The following FAM114A1 variants were observed in gnomAD, a reference collection of about 807,000 sequenced individuals.
FAM114A1 encodes the protein protein NOXP20.
Under a neutral mutation model 64.3 loss-of-function variants are expected in FAM114A1, and 62 were observed. The observed-to-expected ratio is 0.96, with a 90% CI of 0.79 to 1.19. The LOEUF is 1.19. Among genes scored for constraint, FAM114A1 ranks in the 50% most tolerant of loss-of-function variants. The probability of loss-of-function intolerance (pLI) is 0.00; values close to 1 mark genes in which losing one functional copy is unlikely to be tolerated. For synonymous variants in FAM114A1, 254 were observed against 251.1 expected, an observed-to-expected ratio of 1.01 and a Z score of -0.11; for missense variants, 645 against 676.3, an observed-to-expected ratio of 0.95 and a Z score of 0.51.
At chr4:38,917,218 A>T (rs138952629) in intron 8 of FAM114A1, among the ~76,000 whole-genome samples, 17,864 of 151,678 alleles carry the variant, frequency 0.12, 1,344 homozygotes, top group Non-Finnish European at 0.18. Flanking sequence ...GGTGCCTGTA[A>T]TACCAGCTAC....
At chr4:38,871,698 G>A (rs529476414) in intron 2 of FAM114A1, among the ~76,000 whole-genome samples, 8 of 152,188 alleles carry the variant, frequency 5.3e-5, no homozygotes, top group African/African-American at 1.9e-4. Context: ...GATAGGTAAG[G>A]GCTCTAGGTT....
At chr4:38,873,136 A>T (rs987384275) in intron 2 of FAM114A1, among the ~76,000 whole-genome samples, 1 of 152,178 alleles carries the variant, frequency 6.6e-6, no homozygotes, top group Non-Finnish European at 1.5e-5. Context: ...GCTCCTTGAC[A>T]GCCCACGGCC....
intron 4 of FAM114A1, among the ~76,000 whole-genome samples, chr4:38,900,661 G>A (rs750425711): frequency 2.4e-4 from 37 of 152,284 alleles, no homozygotes; most frequent in Admixed American, 4.6e-4. Context: ...GACAAATACC[G>A]TGTGATTCCA....
intron 8 of FAM114A1, among the ~76,000 whole-genome samples, chr4:38,917,140 CTAA>C (rs1427360211): frequency 8.6e-6 from 1 of 116,012 alleles, no homozygotes; most frequent in African/African-American, 4.0e-5. Flanking sequence ...CCCATCTCTA[CTAA>C]AAATACAAAT....
intron 3 of FAM114A1, among the ~76,000 whole-genome samples, chr4:38,884,458 G>A (rs928263362): frequency 1.3e-5 from 2 of 152,218 alleles, no homozygotes; most frequent in Non-Finnish European, 2.9e-5. Flanking sequence ...AATAACAACA[G>A]AGGCCAAGCC....
rs747527647 is a variant in FAM114A1, at chr4:38,905,824, G to T, written c.620G>T (p.Gly207Val). ...PPTSPSSASR[G>V]MLSAITNVVQ... is the part of the protein sequence containing the mutation. ...ACTTCCCCTTCATCAGCCTCTCGGGGTATGCTGTCTGCCATCACCAATGTG... is the reference window on the plus strand; with the variant it reads ...ACTTCCCCTTCATCAGCCTCTCGGGTTATGCTGTCTGCCATCACCAATGTG... Residue 207 changes from glycine to valine, a missense_variant, in exon 6 of 15, where the codon GGT becomes GTT. Physicochemically the swap from Gly to Val is moderately radical, Grantham distance 109. Coordinates refer to ENST00000358869, the MANE Select transcript of FAM114A1 (RefSeq NM_138389.4). The T allele has an allele frequency of 1.2e-6, 2 of 1,614,050 alleles. No individual in the cohort carries two copies. The highest frequency in any genetic ancestry group is 2.2e-5 in the East Asian group (1 of 44,886).
At chr4:38,888,495 T>C (rs916252112) in intron 3 of FAM114A1, among the ~76,000 whole-genome samples, 2 of 152,158 alleles carry the variant, frequency 1.3e-5, no homozygotes, top group East Asian at 3.8e-4. Context: ...ACACTCCAGC[T>C]TGGGCAACAG....
chr4:38,895,411 G>C (rs1256428509), intron 4 of FAM114A1, among the ~76,000 whole-genome samples: 1 of 152,068 alleles, frequency 6.6e-6, no homozygotes, highest in Non-Finnish European at 1.5e-5. Flanking sequence ...TTTTAAAGAC[G>C]CTCCTGATTA....
chr4:38,890,719 C>T (rs949924217), intron 3 of FAM114A1, among the ~76,000 whole-genome samples: 1 of 152,168 alleles, frequency 6.6e-6, no homozygotes, highest in East Asian at 1.9e-4. Flanking sequence ...AACAGAAACA[C>T]GCATACCTGA....
At chr4:38,934,206 A>G (rs779569219) in intron 12 of FAM114A1, among the ~76,000 whole-genome samples, 6 of 152,204 alleles carry the variant, frequency 3.9e-5, no homozygotes, top group Non-Finnish European at 5.9e-5. Flanking sequence ...GCCCCTAGGT[A>G]TGGATAGTGA....
chr4:38,931,718 G>A lies in FAM114A1; in HGVS notation c.1323+106G>A, dbSNP rs532940069. On this transcript the variant is annotated intron_variant, in intron 11 of 14. Transcript: ENST00000358869. Reference sequence around the variant, plus strand: ...AGGCCATTTCTTTTTCATTTGTTCCGTGTTATAGAAATATAAGTTTGAGAC... The same window carrying A: ...AGGCCATTTCTTTTTCATTTGTTCCATGTTATAGAAATATAAGTTTGAGAC... 6.3e-5 allele frequency: 77 copies of A among 1,226,034 alleles called. 1 individual carries two copies. Among genetic ancestry groups the A allele is most frequent in the South Asian group, 3.3e-4 (19 of 57,142 alleles). 75.9% of individuals were successfully genotyped at this position (1,226,034 alleles called of 1,614,324 possible). A position where few individuals can be genotyped will look rare whatever the true frequency, so the allele number is the denominator to read the frequency against.
chr4:38,934,913 TCTTA>T (rs1419694429), intron 12 of FAM114A1, among the ~76,000 whole-genome samples: 2 of 151,406 alleles, frequency 1.3e-5, no homozygotes, highest in Admixed American at 6.6e-5. Context: ...TACCTAACTT[TCTTA>T]CTTTTTTTTT....
rs753005591 is a variant in FAM114A1 at position 38,891,878 on chromosome 4, T to C, written c.436+48T>C. 3.2e-6 allele frequency: 5 copies of C among 1,543,388 alleles called. No homozygotes were observed. The Admixed American group carries it at 9.7e-5, about 30-fold the overall frequency. On this transcript the variant is annotated intron_variant, in intron 4 of 14. Transcript: ENST00000358869. ...GAATAGACAAAGTACCAAAGCCTAA[T>C]AGGATAGGACGTTTTGATCGTACTG...
intron 8 of FAM114A1, among the ~76,000 whole-genome samples, chr4:38,920,970 A>G (rs946453094): frequency 1.3e-5 from 2 of 152,330 alleles, no homozygotes; most frequent in South Asian, 2.1e-4. Context: ...TGCCCTGGCA[A>G]TGAGCTTTAG....
At position 38,927,480 on chromosome 4, in the gene FAM114A1, C is replaced by T. The variant is rs184731192; in HGVS notation, c.1070-1762C>T. Reference sequence around the variant, plus strand: ...CCGGTTCATGGGGGGCTCCCCACTTCATGATCTAATCACACCCCCAAAGCC... The same window carrying T: ...CCGGTTCATGGGGGGCTCCCCACTTTATGATCTAATCACACCCCCAAAGCC... On this transcript the variant is annotated intron_variant, in intron 9 of 14. Transcript: ENST00000358869. 1.6e-3 allele frequency among the ~76,000 whole-genome samples: 251 copies of T among 152,200 alleles called. 3 individuals carry two copies. The East Asian group carries it at 0.022, about 14-fold the overall frequency.
chr4:38,899,530 A>G (rs559255757), intron 4 of FAM114A1, among the ~76,000 whole-genome samples: 1 of 152,346 alleles, frequency 6.6e-6, no homozygotes, highest in Non-Finnish European at 1.5e-5. Context: ...ACACAGCACT[A>G]TCTGTGTGTG....
chr4:38,929,065 C>A, intron 9 of FAM114A1, 177 bp from the exon 10 acceptor site: 1 of 587,336 alleles, frequency 1.7e-6, no homozygotes, highest in Non-Finnish European at 3.1e-6. Context: ...GATGCATCTG[C>A]TGCCTCACTG....
intron 8 of FAM114A1, among the ~76,000 whole-genome samples, chr4:38,922,210 G>A (rs79278956): frequency 0.028 from 4,282 of 152,320 alleles, 127 homozygotes; most frequent in South Asian, 0.13. Context: ...AAAGTGCTGG[G>A]ATTACAGGCG....
rs564425230 is a variant in FAM114A1 at position 38,881,757 on chromosome 4, C to A, written c.348+3331C>A. Reference sequence around the variant, plus strand: ...GTCTTTGATTATTGTTCATTTTTTTCTATTTTATTTGCCTCTTGTTGCATA... The same window carrying A: ...GTCTTTGATTATTGTTCATTTTTTTATATTTTATTTGCCTCTTGTTGCATA... On this transcript the variant is annotated intron_variant, in intron 3 of 14. Coordinates refer to ENST00000358869, the MANE Select transcript of FAM114A1 (RefSeq NM_138389.4). Among the ~76,000 whole-genome samples, 15 of 152,142 alleles carry A rather than the reference C, an allele frequency of 9.9e-5. No homozygotes were observed. In the South Asian group the frequency reaches 3.1e-3, roughly 32 times the overall value.
Sources: allele counts gnomAD v4.1 joint callset (sites outside exome capture counted in the v4.1 genomes callset), GRCh38; gene constraint gnomAD v4.1.1; transcripts MANE v1.5; gene names NCBI Gene and HGNC (gene_info 2026-07-23, HGNC 2026-07-21).